DPP10: variants seen among roughly 807,000 people sequenced by gnomAD.
DPP10 encodes inactive dipeptidyl peptidase 10.
Under a neutral mutation model 120.9 loss-of-function variants are expected in DPP10, and 33 were observed. That is an observed-to-expected ratio of 0.27 (90% CI 0.21 to 0.37). The LOEUF is 0.37. DPP10 is among the 10% of genes least tolerant of loss of function. The pLI is 1.00. For synonymous variants in DPP10, 337 were observed against 326.1 expected (o/e 1.03, Z -0.36); for missense variants, 816 against 942.8 (o/e 0.87, Z 1.76).
intron 2 of DPP10, among the ~76,000 whole-genome samples, chr2:115,333,182 CTTCT>C (rs1453236225): frequency 6.6e-6 from 1 of 151,958 alleles, no homozygotes; most frequent in East Asian, 1.9e-4. Flanking sequence ...ACGTAATGGC[CTTCT>C]TTGTCTCTTT....
At chr2:114,887,323 C>A (rs1229781650) in intron 1 of DPP10, among the ~76,000 whole-genome samples, 1 of 151,956 alleles carries the variant, frequency 6.6e-6, no homozygotes. Context: ...AAGGTAGGCT[C>A]GGGAGAAAAA....
intron 1 of DPP10, among the ~76,000 whole-genome samples, chr2:114,989,416 G>C (rs1700622493): frequency 6.6e-6 from 1 of 152,166 alleles, no homozygotes. Flanking sequence ...CAAAAAGAGG[G>C]AAAAGGGGAA....
At chr2:115,655,232 T>C (rs958081191) in intron 5 of DPP10, among the ~76,000 whole-genome samples, 7 of 151,618 alleles carry the variant, frequency 4.6e-5, no homozygotes, top group Non-Finnish European at 1.0e-4. Context: ...TATTTAATTA[T>C]AGATATTTGG....
chr2:115,660,059 A>G (rs543130466), intron 5 of DPP10, among the ~76,000 whole-genome samples: 2 of 152,282 alleles, frequency 1.3e-5, no homozygotes, highest in African/African-American at 4.8e-5. Flanking sequence ...AAATTTATTG[A>G]AGGGCTACTG....
chr2:114,638,163 G>A (rs866980663), intron 1 of DPP10, among the ~76,000 whole-genome samples: 1 of 151,668 alleles, frequency 6.6e-6, no homozygotes. Flanking sequence ...TTTCAGCAGT[G>A]TTTTGTAGTT....
At chr2:114,471,901 C>G (rs1679951101) in intron 1 of DPP10, among the ~76,000 whole-genome samples, 2 of 152,178 alleles carry the variant, frequency 1.3e-5, no homozygotes, top group Admixed American at 6.5e-5. Flanking sequence ...GGTTAGAAAA[C>G]AAACCACAGG....
At chr2:114,844,189 C>T (rs1350866258) in intron 1 of DPP10, among the ~76,000 whole-genome samples, 1 of 152,082 alleles carries the variant, frequency 6.6e-6, no homozygotes, top group Non-Finnish European at 1.5e-5. Flanking sequence ...TTGGTAACTA[C>T]CCCTGGTATT....
At chr2:115,648,180 T>C (rs1179923080) in intron 5 of DPP10, among the ~76,000 whole-genome samples, 1 of 152,154 alleles carries the variant, frequency 6.6e-6, no homozygotes, top group South Asian at 2.1e-4. Context: ...CATTTAGAAT[T>C]AATCCTCTAT....
chr2:114,808,543 CTTT>C (rs71394111), intron 1 of DPP10, among the ~76,000 whole-genome samples: 8 of 136,016 alleles, frequency 5.9e-5, no homozygotes, highest in Admixed American at 2.2e-4. Context: ...CGGAATCTAA[CTTT>C]TTTTTTTTTT....
intron 1 of DPP10, among the ~76,000 whole-genome samples, chr2:115,011,423 A>G (rs1199114088): frequency 7.9e-5 from 12 of 152,168 alleles, no homozygotes; most frequent in Non-Finnish European, 1.5e-5. Flanking sequence ...TTGCAATTCT[A>G]TCATTTTTGA....
At chr2:114,825,223 A>G (rs1686425711) in intron 1 of DPP10, among the ~76,000 whole-genome samples, 1 of 152,234 alleles carries the variant, frequency 6.6e-6, no homozygotes, top group South Asian at 2.1e-4. Context: ...AAAATGTTTT[A>G]TCCAAGATAA....
At chr2:114,870,709 TG>T (rs1179319198) in intron 1 of DPP10, among the ~76,000 whole-genome samples, 1 of 136,066 alleles carries the variant, frequency 7.3e-6, no homozygotes, top group African/African-American at 2.6e-5. Flanking sequence ...ATGATTCCAA[TG>T]GTCAGGTAAG....
At chr2:114,753,390 G>T (rs1328729891) in intron 1 of DPP10, among the ~76,000 whole-genome samples, 4 of 152,110 alleles carry the variant, frequency 2.6e-5, no homozygotes, top group Admixed American at 2.0e-4. Context: ...GCCCGTATGA[G>T]CCTTAGTGTT....
chr2:115,265,541 AAAT>A (rs1479243586), intron 1 of DPP10, among the ~76,000 whole-genome samples: 4 of 152,096 alleles, frequency 2.6e-5, no homozygotes, highest in Non-Finnish European at 2.9e-5. Flanking sequence ...AAAATTTCAC[AAAT>A]AATAATAACC....
intron 1 of DPP10, among the ~76,000 whole-genome samples, chr2:114,732,702 C>A (rs938256374): frequency 2.6e-5 from 4 of 152,028 alleles, no homozygotes; most frequent in Non-Finnish European, 4.4e-5. Context: ...GGGAGGAATG[C>A]CTTGGGTTTT....
At chr2:115,107,954 A>C (rs1339393559) in intron 1 of DPP10, among the ~76,000 whole-genome samples, 1 of 152,182 alleles carries the variant, frequency 6.6e-6, no homozygotes, top group Non-Finnish European at 1.5e-5. Context: ...GAATTTATAC[A>C]TATTTGATCA....
At chr2:115,634,723 A>G (rs1027604361) in intron 5 of DPP10, among the ~76,000 whole-genome samples, 5 of 152,298 alleles carry the variant, frequency 3.3e-5, no homozygotes, top group Non-Finnish European at 7.4e-5. Flanking sequence ...TAACTGAGGC[A>G]TGTTGGCTGC....
At chr2:114,588,597 T>C (rs1405083727) in intron 1 of DPP10, among the ~76,000 whole-genome samples, 6 of 152,242 alleles carry the variant, frequency 3.9e-5, no homozygotes, top group Non-Finnish European at 5.9e-5. Flanking sequence ...ATGTTATATG[T>C]ATGACATCAC....
intron 5 of DPP10, among the ~76,000 whole-genome samples, chr2:115,650,799 AAG>A (rs745955634): frequency 2.0e-5 from 3 of 151,980 alleles, no homozygotes; most frequent in Admixed American, 6.6e-5. Context: ...TTGAAGGAGA[AAG>A]AGGAGGAGGA....
Sources: gnomAD v4.1 joint callset for allele counts (sites outside exome capture counted in the v4.1 genomes callset) on GRCh38, gnomAD v4.1.1 for gene constraint, MANE v1.5 for transcripts, NCBI Gene and HGNC (gene_info 2026-07-23, HGNC 2026-07-21) for gene names.